The following RHOBTB3 variants were observed in gnomAD, a reference collection of about 807,000 sequenced individuals.
The protein encoded by RHOBTB3 is Rho related BTB domain containing 3, also known as rho-related BTB domain-containing protein 3.
A neutral mutation model predicts 67.2 loss-of-function variants in RHOBTB3; 47 were observed. That is an observed-to-expected ratio of 0.70 (90% CI 0.55 to 0.89). The LOEUF is 0.89. Ranked by LOEUF, RHOBTB3 falls within the 40% of genes least tolerant of loss-of-function variation. The probability of loss-of-function intolerance (pLI) is 0.00; values close to 1 mark genes in which losing one functional copy is unlikely to be tolerated. For missense variants in RHOBTB3, 631 were observed against 750.0 expected (o/e 0.84, Z 1.85); for synonymous variants, 273 against 274.2 (o/e 1.00, Z 0.04).
At chr5:95,726,343 G>A (rs1472693062), upstream of RHOBTB3, among the ~76,000 whole-genome samples, 1 of 152,134 alleles carries the variant, frequency 6.6e-6, no homozygotes, top group East Asian at 1.9e-4. Context: ...AGACTTTGTA[G>A]CATTTATTCT....
intron 6 of RHOBTB3, among the ~76,000 whole-genome samples, chr5:95,762,264 T>C (rs1440643103): frequency 1.3e-5 from 2 of 152,230 alleles, no homozygotes; most frequent in African/African-American, 2.4e-5. Flanking sequence ...TATGCATTAG[T>C]GCTTAGTGCT....
intron 8 of RHOBTB3, chr5:95,769,875 G>C (rs1179195907): frequency 6.5e-6 from 2 of 309,602 alleles, no homozygotes; most frequent in Admixed American, 8.2e-5. Context: ...TGTTGATGGA[G>C]AAGCTCTATG....
Position 95,793,846 on chromosome 5 carries a change from A to G in RHOBTB3, c.*672A>G, listed in dbSNP as rs944227781. ...ACTTGTGTAGCAGCACAGGGCCCAC[A>G]CTTAGAAGGACCCCACACTTGGTTC... is the stretch of plus-strand genomic sequence containing the variant. On this transcript the variant is annotated 3_prime_UTR_variant, in exon 12 of 12. Transcript: ENST00000379982. 1 of 374,912 alleles carries G rather than the reference A, an allele frequency of 2.7e-6. No homozygotes were observed. Among genetic ancestry groups the G allele is most frequent in the Admixed American group, 3.4e-5 (1 of 29,430 alleles). 23.2% of individuals were successfully genotyped at this position (374,912 alleles called of 1,614,324 possible). A position where few individuals can be genotyped will look rare whatever the true frequency, so the allele number is the denominator to read the frequency against.
At chr5:95,771,462 A>G (rs932953698) in intron 8 of RHOBTB3, among the ~76,000 whole-genome samples, 1 of 152,232 alleles carries the variant, frequency 6.6e-6, no homozygotes, top group Non-Finnish European at 1.5e-5. Context: ...CCCTGTGTGC[A>G]GTGTGAGCCT....
chr5:95,770,071 T>C, intron 8 of RHOBTB3: 1 of 316,672 alleles, frequency 3.2e-6, no homozygotes, highest in Non-Finnish European at 6.4e-6. Flanking sequence ...CCAAAGGTGA[T>C]GCTATGCTCT....
exon 1 of RHOBTB3, chr5:95,717,739 G>T (rs983124773): frequency 1.3e-5 from 2 of 152,154 alleles, no homozygotes; most frequent in African/African-American, 2.4e-5. Context: ...CGGGCCTGGA[G>T]GGACAAACAA....
chr5:95,769,161 G>T (rs1005521089), intron 8 of RHOBTB3: 7 of 352,218 alleles, frequency 2.0e-5, no homozygotes, highest in Admixed American at 6.0e-5. Context: ...CAGTGGGGCC[G>T]AAGGGAAGAA....
At chr5:95,778,777 C>T (rs1038833962) in intron 8 of RHOBTB3, among the ~76,000 whole-genome samples, 2 of 152,204 alleles carry the variant, frequency 1.3e-5, no homozygotes, top group African/African-American at 4.8e-5. Flanking sequence ...CTGCTGTATA[C>T]AAATACAGCC....
intron 8 of RHOBTB3, among the ~76,000 whole-genome samples, chr5:95,774,839 A>G (rs1201065586): frequency 6.6e-6 from 1 of 152,190 alleles, no homozygotes; most frequent in African/African-American, 2.4e-5. Context: ...GTGAAAATCA[A>G]AATCCAAATC....
intron 11 of RHOBTB3, among the ~76,000 whole-genome samples, chr5:95,791,932 C>T (rs980494989): frequency 6.6e-6 from 1 of 152,140 alleles, no homozygotes; most frequent in Non-Finnish European, 1.5e-5. Context: ...GGGAATGCAG[C>T]CCAGTAGGTT....
rs548206103 is a variant in RHOBTB3, at chr5:95,746,551, T to A, written c.416-1782T>A. On this transcript the variant is annotated intron_variant, in intron 3 of 11. Transcript: ENST00000379982. ...GATCTTAGAAAAAGTAAAAGTAAAA[T>A]CTCAAATTAGAATTTATGGCATAAT... 3.9e-5 allele frequency among the ~76,000 whole-genome samples: 6 copies of A among 152,302 alleles called. No homozygotes were observed. The East Asian group carries it at 1.2e-3, about 29-fold the overall frequency.
chr5:95,780,338 A>G lies in RHOBTB3; in HGVS notation c.1369A>G (p.Lys457Glu). The G allele has an allele frequency of 1.2e-6, 2 of 1,613,946 alleles. No homozygotes were observed. Among genetic ancestry groups the G allele is most frequent in the African/African-American group, 2.7e-5 (2 of 75,070 alleles). ...AMFNGNYMEA[K>E]SVLIPVYGVS... is the part of the protein sequence containing the mutation. ...GTTTAATGGTAATTACATGGAAGCA[A>G]AGAGTGTCCTGATTCCCGTTTATGG... Residue 457 changes from lysine (K) to glutamate (E), a missense_variant, in exon 9 of 12, where the codon AAG becomes GAG. Coordinates refer to ENST00000379982, the MANE Select transcript of RHOBTB3 (RefSeq NM_014899.4).
chr5:95,789,305 C>T (rs911580240), intron 11 of RHOBTB3: 2 of 154,686 alleles, frequency 1.3e-5, no homozygotes, highest in African/African-American at 2.4e-5. Context: ...TCTGTATTTA[C>T]TGAGTATACC....
rs753504199 is a variant in RHOBTB3, at chr5:95,763,631, T to C, written c.1161+11T>C. On this transcript the variant is annotated intron_variant, in intron 7 of 11. Transcript: ENST00000379982. ...AAAACACCAGGAAAGGTAAGTTGATTTGTTGTAAGTTAGTTTACTTTGACC... is the reference window on the plus strand; with the variant it reads ...AAAACACCAGGAAAGGTAAGTTGATCTGTTGTAAGTTAGTTTACTTTGACC... 1 of 1,467,802 alleles carries C rather than the reference T, an allele frequency of 6.8e-7. No homozygotes were observed. Among genetic ancestry groups the C allele is most frequent in the Non-Finnish European group, 9.5e-7 (1 of 1,048,202 alleles). The allele number at this position is 1,467,802 out of a possible 1,614,324, so 90.9% of individuals were successfully genotyped here.
At chr5:95,792,619 C>A (rs1322448523) in intron 11 of RHOBTB3, among the ~76,000 whole-genome samples, 1 of 150,606 alleles carries the variant, frequency 6.6e-6, no homozygotes, top group Non-Finnish European at 1.5e-5. Context: ...GGTAAAACCC[C>A]GTCTCTACTA....
intron 4 of RHOBTB3, 145 bp downstream of exon 4, chr5:95,748,632 G>T: frequency 2.1e-6 from 1 of 474,752 alleles, no homozygotes; most frequent in East Asian, 3.5e-5. Context: ...GAGTGGCAAA[G>T]GTTTTATCAG....
intron 11 of RHOBTB3, among the ~76,000 whole-genome samples, chr5:95,792,294 G>A (rs967223081): frequency 2.0e-5 from 3 of 152,060 alleles, no homozygotes; most frequent in African/African-American, 7.2e-5. Context: ...GGCTGAGGCA[G>A]GAGAATGGCG....
intron 6 of RHOBTB3, among the ~76,000 whole-genome samples, chr5:95,759,432 A>G (rs565267108): frequency 1.5e-4 from 23 of 152,370 alleles, no homozygotes; most frequent in African/African-American, 4.8e-4. Context: ...TTAAAAAGAG[A>G]TATCAAAGCT....
intron 7 of RHOBTB3, among the ~76,000 whole-genome samples, chr5:95,767,071 C>T (rs764531269): frequency 2.6e-5 from 4 of 152,054 alleles, no homozygotes; most frequent in Non-Finnish European, 5.9e-5. Context: ...ATCAGCTGGG[C>T]GTGGTGGTGC....
Sources: gnomAD v4.1 joint callset for allele counts (sites outside exome capture counted in the v4.1 genomes callset) on GRCh38, gnomAD v4.1.1 for gene constraint, MANE v1.5 for transcripts, NCBI Gene and HGNC (gene_info 2026-07-23, HGNC 2026-07-21) for gene names.